Variants in RALYL observed in about 807,000 individuals in gnomAD.
RALYL encodes the protein RNA-binding Raly-like protein.
RALYL carries 29 observed loss-of-function variants against 35.1 expected under a neutral mutation model. The observed-to-expected ratio is 0.83, with a 90% confidence interval of 0.61 to 1.13. The LOEUF (loss-of-function observed/expected upper bound fraction) is 1.13, where lower values mean the gene tolerates loss of function less well. Ranked by LOEUF, RALYL falls within the 50% of genes most tolerant of loss-of-function variation. The pLI, the probability that RALYL is intolerant of heterozygous loss-of-function variation, is 0.00. For synonymous variants in RALYL, 120 were observed against 127.6 expected (o/e 0.94, Z 0.40); for missense variants, 359 against 360.4 (o/e 1.00, Z 0.03).
chr8:84,612,077 A>G (rs1279968028), intron 2 of RALYL, among the ~76,000 whole-genome samples: 1 of 151,980 alleles, frequency 6.6e-6, no homozygotes, highest in African/African-American at 2.4e-5. Flanking sequence ...CTATTTTCTA[A>G]CATATACTAA....
At chr8:84,498,886 G>A (rs2056368914) in intron 1 of RALYL, among the ~76,000 whole-genome samples, 1 of 151,810 alleles carries the variant, frequency 6.6e-6, no homozygotes, top group South Asian at 2.1e-4. Context: ...AAAAAATCCA[G>A]CATAATAATA....
intron 8 of RALYL, among the ~76,000 whole-genome samples, chr8:84,904,744 C>T (rs1378213895): frequency 6.6e-6 from 1 of 152,078 alleles, no homozygotes; most frequent in East Asian, 1.9e-4. Context: ...AAAAGTAATC[C>T]TAAAAAATGG....
chr8:84,205,980 T>A (rs1485718714), intron 1 of RALYL, among the ~76,000 whole-genome samples: 1 of 152,280 alleles, frequency 6.6e-6, no homozygotes, highest in East Asian at 1.9e-4. Context: ...TGTGGGTGCA[T>A]GCCTCCCTGT....
chr8:84,322,715 G>A (rs1845089137), intron 1 of RALYL, among the ~76,000 whole-genome samples: 1 of 152,068 alleles, frequency 6.6e-6, no homozygotes. Flanking sequence ...GTTTTAGAGA[G>A]TGACCAGTGC....
At chr8:84,226,270 A>G (rs546370587) in intron 1 of RALYL, among the ~76,000 whole-genome samples, 23 of 152,264 alleles carry the variant, frequency 1.5e-4, no homozygotes, top group African/African-American at 5.3e-4. Context: ...ATCCCCATCT[A>G]TACCCCACTA....
chr8:84,360,600 T>C (rs1852787442), intron 1 of RALYL, among the ~76,000 whole-genome samples: 1 of 152,174 alleles, frequency 6.6e-6, no homozygotes, highest in Non-Finnish European at 1.5e-5. Context: ...GGCACAAGGA[T>C]ACTGTAGAAA....
At chr8:84,287,632 G>GA (rs368712308) in intron 1 of RALYL, among the ~76,000 whole-genome samples, 3,118 of 151,472 alleles carry the variant, frequency 0.021, 41 homozygotes, top group South Asian at 0.031. Context: ...GGCCATGGGG[G>GA]AAAAAAAAGC....
chr8:84,507,250 TTTC>T (rs1323195306), intron 1 of RALYL, among the ~76,000 whole-genome samples: 3 of 152,156 alleles, frequency 2.0e-5, no homozygotes, highest in African/African-American at 7.2e-5. Flanking sequence ...CTTTTGATTT[TTTC>T]TTATTGACTG....
At chr8:84,882,428 T>C (rs1417874661) in intron 7 of RALYL, among the ~76,000 whole-genome samples, 2 of 152,028 alleles carry the variant, frequency 1.3e-5, no homozygotes, top group Non-Finnish European at 2.9e-5. Flanking sequence ...TACTTTGACT[T>C]TGTGGTTTGG....
chr8:84,690,793 A>G (rs1027134950), intron 2 of RALYL, among the ~76,000 whole-genome samples: 11 of 152,136 alleles, frequency 7.2e-5, no homozygotes, highest in Middle Eastern at 3.2e-3. Context: ...AATATTTTAA[A>G]TCAGAAAATT....
At chr8:84,497,788 T>A (rs1377373885) in intron 1 of RALYL, among the ~76,000 whole-genome samples, 1 of 151,526 alleles carries the variant, frequency 6.6e-6, no homozygotes, top group African/African-American at 2.4e-5. Context: ...ACCACAGGCT[T>A]GTGCCACCAC....
At chr8:84,917,401 C>T (rs1443271655) in intron 8 of RALYL, among the ~76,000 whole-genome samples, 1 of 151,748 alleles carries the variant, frequency 6.6e-6, no homozygotes, top group Non-Finnish European at 1.5e-5. Flanking sequence ...CACAATTTAC[C>T]AAGAATCACT....
intron 2 of RALYL, among the ~76,000 whole-genome samples, chr8:84,639,819 A>T (rs1239926979): frequency 6.6e-6 from 1 of 151,984 alleles, no homozygotes; most frequent in Non-Finnish European, 1.5e-5. Context: ...GTGGGAAGGC[A>T]CTCATTAATC....
At chr8:84,920,826 A>G in intron 8 of RALYL, 68 bp from the exon 9 acceptor site, 3 of 564,110 alleles carry the variant, frequency 5.3e-6, no homozygotes, top group Non-Finnish European at 8.9e-6. Flanking sequence ...CTTACATATC[A>G]GTATACGCAT....
intron 1 of RALYL, among the ~76,000 whole-genome samples, chr8:84,386,285 G>T (rs1188706573): frequency 6.6e-6 from 1 of 151,710 alleles, no homozygotes; most frequent in Admixed American, 6.6e-5. Context: ...TCCTTTGTTA[G>T]AATTTATATT....
chr8:84,242,944 G>A (rs1828282114), intron 1 of RALYL, among the ~76,000 whole-genome samples: 1 of 152,090 alleles, frequency 6.6e-6, no homozygotes, highest in African/African-American at 2.4e-5. Context: ...TGTTGTCTAA[G>A]TTTTCTTCTA....
chr8:84,810,856 CCTTTA>C (rs765072987), intron 4 of RALYL, among the ~76,000 whole-genome samples: 1 of 152,022 alleles, frequency 6.6e-6, no homozygotes, highest in African/African-American at 2.4e-5. Flanking sequence ...TTTTTCCACC[CCTTTA>C]CTTTAAGTTT....
intron 1 of RALYL, among the ~76,000 whole-genome samples, chr8:84,425,197 G>A (rs2046233980): frequency 6.6e-6 from 1 of 152,152 alleles, no homozygotes; most frequent in African/African-American, 2.4e-5. Flanking sequence ...CTAGCAATCA[G>A]CGAGATTCCG....
chr8:84,227,586 A>G (rs1354645194), intron 1 of RALYL, among the ~76,000 whole-genome samples: 1 of 152,082 alleles, frequency 6.6e-6, no homozygotes, highest in Admixed American at 6.6e-5. Flanking sequence ...CCACTATTAA[A>G]TTTTTATTTT....
Sources: gnomAD v4.1 joint callset for allele counts (sites outside exome capture counted in the v4.1 genomes callset) on GRCh38, gnomAD v4.1.1 for gene constraint, MANE v1.5 for transcripts, NCBI Gene and HGNC (gene_info 2026-07-23, HGNC 2026-07-21) for gene names.